SPAG17: variants seen among roughly 807,000 people sequenced by gnomAD.
SPAG17 encodes sperm-associated antigen 17.
In SPAG17, 169 loss-of-function variants were observed where a neutral mutation model predicts 273.6. The ratio of observed to expected loss-of-function variants is 0.62; its 90% CI spans 0.55 to 0.70. SPAG17 has a LOEUF of 0.70. Among genes scored for constraint, SPAG17 ranks in the 30% least tolerant of loss-of-function variants. SPAG17 has a pLI of 0.00. For missense variants in SPAG17, 2,557 were observed against 2,627.8 expected (o/e 0.97, Z 0.59); for synonymous variants, 825 against 873.2 (o/e 0.94, Z 0.97).
chr1:118,048,646 C>T (rs1650641170), intron 20 of SPAG17, among the ~76,000 whole-genome samples: 1 of 152,048 alleles, frequency 6.6e-6, no homozygotes, highest in South Asian at 2.1e-4. Flanking sequence ...GCCTATAATC[C>T]CAGCACTTTG....
intron 30 of SPAG17, among the ~76,000 whole-genome samples, chr1:118,010,413 C>T (rs1203279739): frequency 1.3e-5 from 2 of 152,058 alleles, no homozygotes; most frequent in Non-Finnish European, 2.9e-5. Context: ...TAAAGCCACA[C>T]ACCTACAGTC....
At chr1:118,044,791 C>G (rs940861628) in intron 20 of SPAG17, among the ~76,000 whole-genome samples, 1 of 152,112 alleles carries the variant, frequency 6.6e-6, no homozygotes, top group Admixed American at 6.5e-5. Context: ...CATTCTCTTC[C>G]TCCCGCTCTA....
intron 20 of SPAG17, among the ~76,000 whole-genome samples, chr1:118,051,443 AT>A (rs1168505446): frequency 6.6e-6 from 1 of 151,986 alleles, no homozygotes. Flanking sequence ...CTGCATGCCC[AT>A]GTTTATTGCA....
intron 3 of SPAG17, among the ~76,000 whole-genome samples, chr1:118,142,448 T>G (rs1420104586): frequency 6.6e-6 from 1 of 152,164 alleles, no homozygotes; most frequent in African/African-American, 2.4e-5. Flanking sequence ...CACTTAGACA[T>G]GGTTAAAATG....
chr1:118,039,603 C>T (rs952137552), intron 22 of SPAG17, among the ~76,000 whole-genome samples, 159 bp from the exon 23 acceptor site: 26 of 152,054 alleles, frequency 1.7e-4, no homozygotes, highest in African/African-American at 5.8e-4. Flanking sequence ...ATTGAGCACA[C>T]ATGAACACAA....
intron 43 of SPAG17, among the ~76,000 whole-genome samples, chr1:117,979,176 G>A (rs966330488): frequency 2.0e-5 from 3 of 151,974 alleles, no homozygotes; most frequent in Admixed American, 6.6e-5. Flanking sequence ...GCCTACTGGC[G>A]TCTTCTTAAT....
chr1:118,161,087 G>A (rs779163503), intron 1 of SPAG17, among the ~76,000 whole-genome samples: 19 of 152,228 alleles, frequency 1.2e-4, no homozygotes, highest in Admixed American at 2.0e-4. Context: ...TGTATATGAT[G>A]TAACAAACTA....
intron 30 of SPAG17, among the ~76,000 whole-genome samples, chr1:118,009,247 TA>T (rs1395744050): frequency 8.7e-6 from 1 of 115,250 alleles, no homozygotes; most frequent in Non-Finnish European, 1.7e-5. Context: ...TAGGTGCTCA[TA>T]ACACACACAC....
chr1:118,042,043 C>T lies in SPAG17; in HGVS notation c.2815-1G>A, dbSNP rs1649826829. 6.2e-7 allele frequency: 1 copy of T among 1,600,964 alleles called. No individual in the cohort carries two copies. The highest frequency in any genetic ancestry group is 8.5e-7 in the Non-Finnish European group (1 of 1,176,908). On this transcript the variant is annotated splice_acceptor_variant, in intron 20 of 48. Coordinates refer to ENST00000336338, the MANE Select transcript of SPAG17 (RefSeq NM_206996.4). LOFTEE classifies it high-confidence loss of function. The stretch of plus-strand genomic sequence containing the variant: ...ATCGATGTTGCTCTTCTTTCCATGC[C>T]TGTAAACACATTTAAGAAATTTAAC...
At chr1:118,150,066 G>A (rs1028105291) in intron 3 of SPAG17, among the ~76,000 whole-genome samples, 4 of 152,138 alleles carry the variant, frequency 2.6e-5, no homozygotes, top group Non-Finnish European at 5.9e-5. Flanking sequence ...GATATAAACC[G>A]TGCACCAAGT....
chr1:118,133,291 GC>G (rs944493386), intron 3 of SPAG17, among the ~76,000 whole-genome samples: 1 of 152,060 alleles, frequency 6.6e-6, no homozygotes, highest in Non-Finnish European at 1.5e-5. Context: ...TCGCGAGGGG[GC>G]CCAGAGTGCA....
At chr1:118,031,921 C>T in intron 24 of SPAG17, 54 bp from the exon 25 acceptor site, 2 of 1,394,668 alleles carry the variant, frequency 1.4e-6, no homozygotes, top group Non-Finnish European at 2.0e-6. Flanking sequence ...ATTTGATATC[C>T]TTGTGAAATA....
At chr1:118,151,449 G>T in intron 1 of SPAG17, 80 bp from the exon 2 acceptor site, 1 of 1,315,432 alleles carries the variant, frequency 7.6e-7, no homozygotes, top group Non-Finnish European at 1.0e-6. Context: ...CTGAGAAGCA[G>T]AATAATTTTC....
At chr1:118,019,194 T>G (rs1460810706) in intron 28 of SPAG17, among the ~76,000 whole-genome samples, 1 of 151,986 alleles carries the variant, frequency 6.6e-6, no homozygotes, top group Non-Finnish European at 1.5e-5. Flanking sequence ...GAATTAGATC[T>G]ATAATACTTT....
chr1:118,121,516 ATAT>A (rs76478332), intron 3 of SPAG17, among the ~76,000 whole-genome samples: 5,822 of 152,180 alleles, frequency 0.038, 185 homozygotes, highest in Non-Finnish European at 0.055. Flanking sequence ...ATCAGTGGTG[ATAT>A]TAGATTCTCA....
chr1:117,960,116 G>GTA (rs1418786745), intron 48 of SPAG17: 2 of 136,124 alleles, frequency 1.5e-5, no homozygotes, highest in African/African-American at 5.7e-5. Context: ...ACTCGTGTGT[G>GTA]TGTGTGTGTG....
intron 22 of SPAG17, 88 bp downstream of exon 22, chr1:118,040,642 C>T: frequency 1.2e-6 from 1 of 836,994 alleles, no homozygotes. Flanking sequence ...AACACTCTCG[C>T]CTATCAAACT....
intron 3 of SPAG17, among the ~76,000 whole-genome samples, chr1:118,147,348 A>G (rs1055672395): frequency 6.6e-6 from 1 of 152,198 alleles, no homozygotes; most frequent in East Asian, 1.9e-4. Context: ...CCATATCCTC[A>G]AGTAGGATTC....
At chr1:118,125,506 A>G (rs557372606) in intron 3 of SPAG17, among the ~76,000 whole-genome samples, 7 of 152,248 alleles carry the variant, frequency 4.6e-5, no homozygotes, top group African/African-American at 1.7e-4. Context: ...TGTATCCATG[A>G]ACCAACCTCT....
Sources: allele counts gnomAD v4.1 joint callset (sites outside exome capture counted in the v4.1 genomes callset), GRCh38; gene constraint gnomAD v4.1.1; transcripts MANE v1.5; gene names NCBI Gene and HGNC (gene_info 2026-07-23, HGNC 2026-07-21).